LRP1: variants seen among roughly 807,000 people sequenced by gnomAD.
LRP1 encodes LDL receptor related protein 1, also known as prolow-density lipoprotein receptor-related protein 1.
A neutral mutation model predicts 541.5 loss-of-function variants in LRP1; 51 were observed. That is an observed-to-expected ratio of 0.09 (90% CI 0.08 to 0.12). LRP1 has a LOEUF of 0.12. Among genes scored for constraint, LRP1 ranks in the 10% least tolerant of loss-of-function variants. LRP1 has a pLI of 1.00. For synonymous variants in LRP1, 2,219 were observed against 2,470.8 expected, an observed-to-expected ratio of 0.90 and a Z score of 3.02; for missense variants, 3,878 against 6,376.2, an observed-to-expected ratio of 0.61 and a Z score of 13.34.
intron 60 of LRP1, 62 bp from the exon 61 acceptor site, chr12:57,199,150 T>C (rs1402087140): frequency 1.7e-5 from 26 of 1,521,790 alleles, no homozygotes; most frequent in Non-Finnish European, 2.3e-5. Flanking sequence ...GGAGGTGGAG[T>C]GGGCCGGCAC....
In LRP1 at chr12:57,197,497, C is replaced by T; in HGVS notation, c.9163-48C>T. 1 of 1,613,394 alleles carries T rather than the reference C, an allele frequency of 6.2e-7. No individual in the cohort carries two copies. Among genetic ancestry groups the T allele is most frequent in the East Asian group, 2.2e-5 (1 of 44,886 alleles). On this transcript the variant is annotated intron_variant, in intron 57 of 88. Coordinates refer to ENST00000243077, the MANE Select transcript of LRP1 (RefSeq NM_002332.3). The surrounding 1 kb of genome is among the most constrained non-coding windows in gnomAD (Gnocchi z 4.5). ...TCCCTCCCCCAGATGCAAATGTGGC[C>T]CCTGTTGCCACAACCGACTTCTGCT...
Position 57,154,248 on chromosome 12 carries a change from C to G in LRP1, c.882C>G (p.Phe294Leu), listed in dbSNP as rs770994268. The G allele has an allele frequency of 1.2e-5, 20 of 1,614,202 alleles. No homozygotes were observed. The highest frequency in any genetic ancestry group is 1.7e-5 in the Non-Finnish European group (20 of 1,180,026). ...QMAIDWLTGN[F>L]YFVDDIDDRI... is the part of the protein sequence containing the mutation. ...CCATCGACTGGCTGACAGGCAACTTCTACTTTGTGGATGACATCGATGATA... is the reference window on the plus strand; with the variant it reads ...CCATCGACTGGCTGACAGGCAACTTGTACTTTGTGGATGACATCGATGATA... The change falls in exon 7 of 89, where the codon TTC becomes TTG. Residue 294 changes from phenylalanine to leucine, a missense_variant. Transcript: ENST00000243077. The surrounding 1 kb of genome is among the most constrained non-coding windows in gnomAD (Gnocchi z 4.6).
Position 57,183,625 on chromosome 12 carries a change from TGC to T in LRP1, c.5794+116_5794+117del. 6.7e-7 allele frequency: 1 copy of T among 1,485,938 alleles called. No individual in the cohort carries two copies. Among genetic ancestry groups the T allele is most frequent in the Non-Finnish European group, 9.1e-7 (1 of 1,102,202 alleles). 92.0% of individuals were successfully genotyped at this position (1,485,938 alleles called of 1,614,324 possible). A position where few individuals can be genotyped will look rare whatever the true frequency, so the allele number is the denominator to read the frequency against. The stretch of plus-strand genomic sequence containing the variant: ...CTGAATTGGCCTGAGGTGGGGCACT[TGC>T]TACAGCTGCCACCCTGACTCCACCT... On this transcript the variant is annotated intron_variant, in intron 35 of 88. Coordinates refer to ENST00000243077, the MANE Select transcript of LRP1 (RefSeq NM_002332.3). This position sits in a 1 kb window ranked among gnomAD's most constrained non-coding sequence, Gnocchi z 6.1.
Position 57,201,553 on chromosome 12 carries a change from C to T in LRP1, c.10402C>T (p.Pro3468Ser). 1 of 1,614,098 alleles carries T rather than the reference C, an allele frequency of 6.2e-7. No individual in the cohort carries two copies. The highest frequency in any genetic ancestry group is 8.5e-7 in the Non-Finnish European group (1 of 1,180,010). The change falls in exon 66 of 89, where the codon CCC (proline) becomes TCC (serine). Residue 3468 changes from proline to serine, a missense_variant. By Grantham distance (74) the Pro-to-Ser change is moderately conservative. Coordinates refer to ENST00000243077, the MANE Select transcript of LRP1 (RefSeq NM_002332.3). The surrounding 1 kb of genome is among the most constrained non-coding windows in gnomAD (Gnocchi z 6.4). ...GTGCTCCATTACCAAACGGTGCATCCCCCGGGTCTGGGTCTGCGACCGGGA... is the reference window on the plus strand; with the variant it reads ...GTGCTCCATTACCAAACGGTGCATCTCCCGGGTCTGGGTCTGCGACCGGGA... Reference protein sequence around the residue: ...FQCSITKRCIPRVWVCDRDND... With the variant: ...FQCSITKRCISRVWVCDRDND...
At chr12:57,209,902 G>A (rs1393098699) in intron 80 of LRP1, 34 bp downstream of exon 80, 1 of 1,608,088 alleles carries the variant, frequency 6.2e-7, no homozygotes, top group Non-Finnish European at 8.5e-7. Context: ...CTGGGGAAGG[G>A]AGGCCTGTGG....
At chr12:57,195,466 A>T in intron 52 of LRP1, 67 bp downstream of exon 52, 1 of 1,588,118 alleles carries the variant, frequency 6.3e-7, no homozygotes, top group Admixed American at 1.7e-5. Context: ...GCAGATGGGG[A>T]AGCCGGGGTG....
intron 20 of LRP1, 150 bp downstream of exon 20, chr12:57,169,457 TC>T: frequency 2.8e-6 from 2 of 718,636 alleles, no homozygotes; most frequent in Non-Finnish European, 4.4e-6. Flanking sequence ...CTTCAGGAGC[TC>T]CCGGTCCTGT....
chr12:57,193,806 G>C, intron 47 of LRP1, 93 bp from the exon 48 acceptor site: 1 of 1,594,948 alleles, frequency 6.3e-7, no homozygotes, highest in Non-Finnish European at 8.6e-7. Flanking sequence ...ACAGGCCAGG[G>C]CAGGTGCTGT....
Position 57,211,622 on chromosome 12 carries a change from T to G in LRP1, c.13193+34T>G. 6.2e-7 allele frequency: 1 copy of G among 1,609,770 alleles called. No individual in the cohort carries two copies. Among genetic ancestry groups the G allele is most frequent in the Non-Finnish European group, 8.5e-7 (1 of 1,176,136 alleles). On this transcript the variant is annotated intron_variant, in intron 85 of 88. Coordinates refer to ENST00000243077, the MANE Select transcript of LRP1 (RefSeq NM_002332.3). The surrounding 1 kb of genome is among the most constrained non-coding windows in gnomAD (Gnocchi z 4.3). ...GGCCCGGGCTTCACCCAGGCATAGA[T>G]CATCGCTCCCTTCCCCAGATTTGAG... is the stretch of plus-strand genomic sequence containing the variant.
chr12:57,202,939 C>T (rs2036687273), intron 68 of LRP1: 2 of 573,758 alleles, frequency 3.5e-6, no homozygotes, highest in Non-Finnish European at 6.2e-6. Flanking sequence ...GTTCTGAGGG[C>T]AAGGCCAGGG....
rs367945203 is a variant in LRP1 at position 57,206,729 on chromosome 12, C to T, written c.11847C>T (p.Val3949=). Residue 3949 remains valine, a synonymous_variant, in exon 76 of 89, where the codon GTC becomes GTT. Transcript: ENST00000243077. The surrounding 1 kb of genome is among the most constrained non-coding windows in gnomAD (Gnocchi z 4.7). ...ACCGGCGACAGATTGACCGGGGTGT[C>T]ACCCACCTCAACGTGAGTGCCCAAC... ...NRHRRQIDRG[V]THLNISGLKM... 9.3e-6 allele frequency: 15 copies of T among 1,611,970 alleles called. No homozygotes were observed. The highest frequency in any genetic ancestry group is 1.3e-5 in the Non-Finnish European group (15 of 1,179,964).
chr12:57,134,321 C>G (rs2035106866), intron 1 of LRP1, among the ~76,000 whole-genome samples: 1 of 152,202 alleles, frequency 6.6e-6, no homozygotes, highest in Non-Finnish European at 1.5e-5. Context: ...TCTTGCTCCT[C>G]TCTGTCTCCC....
Position 57,158,711 on chromosome 12 carries a change from C to T in LRP1, c.1798+73C>T. On this transcript the variant is annotated intron_variant, in intron 11 of 88. Transcript: ENST00000243077. The surrounding 1 kb of genome is among the most constrained non-coding windows in gnomAD (Gnocchi z 5.3). ...GCCCAGGCATCTGTTTCTCGGTGCC[C>T]TCTCAGCAGGATGGTCCCCTGCTGA... The T allele has an allele frequency of 7.2e-7, 1 of 1,385,856 alleles. No homozygotes were observed. Among genetic ancestry groups the T allele is most frequent in the Non-Finnish European group, 1.0e-6 (1 of 983,762 alleles). 85.8% of individuals were successfully genotyped at this position (1,385,856 alleles called of 1,614,324 possible).
rs762101171 is a variant in LRP1, at chr12:57,195,741, C to T, written c.8521C>T (p.Arg2841Cys). 8 of 1,614,210 alleles carry T rather than the reference C, an allele frequency of 5.0e-6. No homozygotes were observed. The highest frequency in any genetic ancestry group is 1.7e-5 in the Admixed American group (1 of 60,022). ...IPKHFVCDHDRDCADGSDESP... is the reference protein window; with the variant it reads ...IPKHFVCDHDCDCADGSDESP... ...CAAGCACTTCGTGTGTGACCACGAC[C>T]GTGACTGTGCAGATGGCTCTGATGA... Residue 2841 changes from arginine (R) to cysteine (C), a missense_variant, in exon 53 of 89, where the codon CGT becomes TGT. Around this residue, in one of 13 missense-constraint regions of LRP1, gnomAD observed 1,100 missense variants for 1,827.4 expected, o/e 0.60. Coordinates refer to ENST00000243077, the MANE Select transcript of LRP1 (RefSeq NM_002332.3).
At chr12:57,208,328 CAG>C in intron 77 of LRP1, 112 bp downstream of exon 77, 1 of 1,194,564 alleles carries the variant, frequency 8.4e-7, no homozygotes, top group Admixed American at 2.3e-5. Context: ...AGCCTGAGGA[CAG>C]AGTCCTTTTC....
Position 57,200,793 on chromosome 12 carries a change from C to T in LRP1, c.10203C>T (p.Asp3401=). ...GCGATGGCGACAATGACTGCCAGGA[C>T]AACAGTGACGAGGCCAACTGTGGTA... ...FICDGDNDCQ[D]NSDEANCDIH... The change falls in exon 64 of 89, where the codon GAC becomes GAT. Residue 3401 remains aspartate, a synonymous_variant. Coordinates refer to ENST00000243077, the MANE Select transcript of LRP1 (RefSeq NM_002332.3). 6.2e-7 allele frequency: 1 copy of T among 1,613,776 alleles called. No individual in the cohort carries two copies. The highest frequency in any genetic ancestry group is 1.7e-5 in the Admixed American group (1 of 60,030).
intron 1 of LRP1, among the ~76,000 whole-genome samples, chr12:57,135,306 C>T (rs1026187012): frequency 6.6e-6 from 1 of 152,164 alleles, no homozygotes; most frequent in Admixed American, 6.5e-5. Context: ...GTTGTTCTCT[C>T]ATCTAAACTG....
intron 83 of LRP1, 98 bp downstream of exon 83, chr12:57,210,977 G>A (rs957530578): frequency 6.7e-7 from 1 of 1,484,470 alleles, no homozygotes; most frequent in South Asian, 1.3e-5. Flanking sequence ...ACCCACAGGG[G>A]CAAGTTCAGG....
intron 53 of LRP1, 22 bp downstream of exon 53, chr12:57,195,802 G>C: frequency 6.2e-7 from 1 of 1,614,102 alleles, no homozygotes; most frequent in South Asian, 1.1e-5. Flanking sequence ...GCGGTGGTGG[G>C]AGGAGGCCCT....
Sources: gnomAD v4.1 joint callset for allele counts (sites outside exome capture counted in the v4.1 genomes callset) on GRCh38, gnomAD v4.1.1 for gene constraint, gnomAD v4.1.1 regional missense constraint, Gnocchi (gnomAD v3.1) non-coding constraint, MANE v1.5 for transcripts, NCBI Gene and HGNC (gene_info 2026-07-23, HGNC 2026-07-21) for gene names.